The following KMT2C variants were observed in gnomAD, a reference collection of about 807,000 sequenced individuals.
KMT2C encodes histone-lysine N-methyltransferase 2C.
KMT2C carries 88 observed loss-of-function variants against 507.9 expected under a neutral mutation model. The ratio of observed to expected loss-of-function variants is 0.17; its 90% CI spans 0.15 to 0.21. The LOEUF is 0.21. KMT2C is among the 10% of genes least tolerant of loss of function. The pLI is 1.00. For missense variants in KMT2C, 4,954 were observed against 5,957.8 expected (o/e 0.83, Z 5.55); for synonymous variants, 2,049 against 2,080.8 (o/e 0.98, Z 0.42).
intron 34 of KMT2C, 34 bp from the exon 35 acceptor site, chr7:152,183,190 T>C: frequency 3.4e-6 from 5 of 1,449,386 alleles, no homozygotes; most frequent in Non-Finnish European, 4.6e-6. Flanking sequence ...ATTTCCCAGA[T>C]TATGTTAAAT....
At position 152,180,798 on chromosome 7, in the gene KMT2C, T is replaced by A. The variant is rs535640617; in HGVS notation, c.7062A>T (p.Gln2354His). The A allele has an allele frequency of 6.2e-7, 1 of 1,614,152 alleles. No individual in the cohort carries two copies. The highest frequency in any genetic ancestry group is 1.7e-5 in the Admixed American group (1 of 60,016). ...SQGQQFSGVSQLPGPVPTSGV... is the reference protein window; with the variant it reads ...SQGQQFSGVSHLPGPVPTSGV... ...CTGAAGTTGGCACAGGTCCAGGAAG[T>A]TGGGAGACACCAGAGAACTGCTGGC... The change falls in exon 36 of 59, where the codon CAA (glutamine) becomes CAT (histidine). Residue 2354 changes from glutamine (Q) to histidine (H), a missense_variant. Coordinates refer to ENST00000262189, the MANE Select transcript of KMT2C (RefSeq NM_170606.3).
chr7:152,167,102 T>C, intron 42 of KMT2C, 44 bp downstream of exon 42: 1 of 1,437,736 alleles, frequency 7.0e-7, no homozygotes, highest in East Asian at 2.3e-5. Context: ...AACATTCTAC[T>C]CATTAATTGT....
chr7:152,292,118 A>G (rs1453124933), intron 6 of KMT2C, among the ~76,000 whole-genome samples: 1 of 152,136 alleles, frequency 6.6e-6, no homozygotes, highest in Non-Finnish European at 1.5e-5. Context: ...ATGCTGACAT[A>G]TATTATATTC....
At chr7:152,257,644 G>A (rs2095683061) in intron 9 of KMT2C, among the ~76,000 whole-genome samples, 1 of 152,084 alleles carries the variant, frequency 6.6e-6, no homozygotes, top group South Asian at 2.1e-4. Flanking sequence ...AGAATGAGAA[G>A]GCAAAGAATT....
chr7:152,231,230 T>TAGTTCTATTTGACTA (rs1215550578), intron 16 of KMT2C, among the ~76,000 whole-genome samples: 9 of 152,362 alleles, frequency 5.9e-5, no homozygotes, highest in Admixed American at 2.6e-4. Flanking sequence ...AGTCTGGACT[T>TAGTTCTATTTGACTA]AGTTCTATTT....
chr7:152,286,940 A>G (rs2096309957), intron 6 of KMT2C, among the ~76,000 whole-genome samples: 1 of 152,170 alleles, frequency 6.6e-6, no homozygotes, highest in African/African-American at 2.4e-5. Context: ...CTCATAGACA[A>G]CAACAAACCA....
intron 57 of KMT2C, 45 bp downstream of exon 57, chr7:152,139,141 C>T (rs1262659938): frequency 1.9e-6 from 3 of 1,573,880 alleles, no homozygotes; most frequent in South Asian, 1.1e-5. Context: ...CCAGCACTGG[C>T]CCCACAAGCA....
chr7:152,409,973 T>G (rs1308681184), intron 1 of KMT2C, among the ~76,000 whole-genome samples: 2 of 151,838 alleles, frequency 1.3e-5, no homozygotes, highest in African/African-American at 4.8e-5. Context: ...CTACTTAAAC[T>G]AAGTGGAAAA....
intron 3 of KMT2C, among the ~76,000 whole-genome samples, chr7:152,319,044 C>T (rs1169221321): frequency 2.6e-5 from 4 of 152,022 alleles, no homozygotes; most frequent in Non-Finnish European, 4.4e-5. Context: ...AATTTCACAC[C>T]TAAGTACTTA....
At chr7:152,226,516 G>A (rs2094939406) in intron 18 of KMT2C, among the ~76,000 whole-genome samples, 1 of 152,074 alleles carries the variant, frequency 6.6e-6, no homozygotes, top group South Asian at 2.1e-4. Flanking sequence ...ACAGGTGTGA[G>A]GCACCACACC....
At chr7:152,154,594 A>T in intron 46 of KMT2C, 149 bp from the exon 47 acceptor site, 1 of 601,686 alleles carries the variant, frequency 1.7e-6, no homozygotes, top group Non-Finnish European at 2.9e-6. Context: ...GCTCAGAGCC[A>T]CACTGGGAAA....
At chr7:152,202,851 C>A in intron 26 of KMT2C, 83 bp downstream of exon 26, 3 of 1,144,524 alleles carry the variant, frequency 2.6e-6, no homozygotes, top group East Asian at 2.6e-5. Context: ...TTAACAAAAA[C>A]AACAAACCTA....
Position 152,148,556 on chromosome 7 carries a change from G to T in KMT2C, c.13371C>A (p.Gly4457=). 1 of 1,614,174 alleles carries T rather than the reference G, an allele frequency of 6.2e-7. No homozygotes were observed. Among genetic ancestry groups the T allele is most frequent in the Non-Finnish European group, 8.5e-7 (1 of 1,180,042 alleles). ...GACAGAAGACACATTTCATTTGTAG[G>T]CCTCTCCTCAGAGCTAGCTCCACAT... ...LINVELALRR[G]LQMKCVFCHK... is the part of the protein sequence containing the mutation. Residue 4457 remains glycine (G), a synonymous_variant, in exon 52 of 59, where the codon GGC becomes GGA. Transcript: ENST00000262189. This position sits in a 1 kb window ranked among gnomAD's most constrained non-coding sequence, Gnocchi z 7.1.
intron 1 of KMT2C, among the ~76,000 whole-genome samples, chr7:152,383,643 G>C (rs1296737994): frequency 6.6e-6 from 1 of 152,124 alleles, no homozygotes; most frequent in Non-Finnish European, 1.5e-5. Context: ...AGAATGTTAT[G>C]AGCATGAACT....
In KMT2C at chr7:152,387,714, G is replaced by A. The variant is rs545020070; in HGVS notation, c.162-29039C>T. ...TCTCGATCTCCTGACCTCGTGATCC[G>A]CCCGCCTCGGCCTCCCAAAGTGCTG... On this transcript the variant is annotated intron_variant, in intron 1 of 58. Transcript: ENST00000262189. 2.2e-3 allele frequency among the ~76,000 whole-genome samples: 336 copies of A among 151,986 alleles called. 1 individual carries two copies. The highest frequency in any genetic ancestry group is 0.01 in the Middle Eastern group (3 of 294).
intron 3 of KMT2C, among the ~76,000 whole-genome samples, chr7:152,318,570 T>C (rs902830986): frequency 3.6e-5 from 5 of 137,124 alleles, no homozygotes; most frequent in African/African-American, 1.4e-4. Flanking sequence ...GAGGTTGCAG[T>C]GAGCCGAGAT....
At chr7:152,178,829 T>A (rs1381486186) in intron 37 of KMT2C, among the ~76,000 whole-genome samples, 1 of 151,900 alleles carries the variant, frequency 6.6e-6, no homozygotes, top group East Asian at 1.9e-4. Flanking sequence ...CTTAAAGAAC[T>A]ATTTCCTTAT....
intron 14 of KMT2C, among the ~76,000 whole-genome samples, chr7:152,246,120 G>T (rs2095468854): frequency 6.6e-6 from 1 of 152,124 alleles, no homozygotes; most frequent in African/African-American, 2.4e-5. Flanking sequence ...GCAAGTTATG[G>T]TCCCAGTGCC....
At position 152,135,350 on chromosome 7, in the gene KMT2C, C is replaced by A. The variant is rs62481481; in HGVS notation, c.*1482G>T. The A allele has an allele frequency of 3.1e-3, 677 of 216,150 alleles. 4 individuals are homozygous for A. Among genetic ancestry groups the A allele is most frequent in the Non-Finnish European group, 4.9e-3 (528 of 107,102 alleles). The allele number at this position is 216,150 out of a possible 1,614,324, so 13.4% of individuals were successfully genotyped here. ...TTTTAAGTACAAAATAAAAAGCTAA[C>A]CTGGTTCAAAATGCTGATTAAGTTT... is the stretch of plus-strand genomic sequence containing the variant. On this transcript the variant is annotated 3_prime_UTR_variant, in exon 59 of 59. Coordinates refer to ENST00000262189, the MANE Select transcript of KMT2C (RefSeq NM_170606.3).
Sources: gnomAD v4.1 joint callset for allele counts (sites outside exome capture counted in the v4.1 genomes callset) on GRCh38, gnomAD v4.1.1 for gene constraint, Gnocchi (gnomAD v3.1) non-coding constraint, MANE v1.5 for transcripts, NCBI Gene and HGNC (gene_info 2026-07-23, HGNC 2026-07-21) for gene names.